The following CTNND2 variants were observed in gnomAD, a reference collection of about 807,000 sequenced individuals.
CTNND2 encodes the protein catenin delta 2, also known as catenin delta-2.
Under a neutral mutation model 144.4 loss-of-function variants are expected in CTNND2, and 22 were observed. That is an observed-to-expected ratio of 0.15 (90% CI 0.11 to 0.22). The LOEUF (loss-of-function observed/expected upper bound fraction) is 0.22. Ranked by LOEUF, CTNND2 falls within the 10% of genes least tolerant of loss-of-function variation. The probability of loss-of-function intolerance (pLI) is 1.00; values close to 1 mark genes in which losing one functional copy is unlikely to be tolerated. For synonymous variants in CTNND2, 751 were observed against 695.6 expected (o/e 1.08, Z -1.25); for missense variants, 1,353 against 1,618.8 (o/e 0.84, Z 2.82).
intron 1 of CTNND2, among the ~76,000 whole-genome samples, chr5:11,755,748 T>A (rs752418792): frequency 4.6e-5 from 7 of 151,554 alleles, no homozygotes; most frequent in Non-Finnish European, 1.0e-4. Context: ...AATTATATTA[T>A]GAAATTCTTG....
At chr5:11,572,803 T>C (rs1187413091) in intron 2 of CTNND2, among the ~76,000 whole-genome samples, 1 of 152,174 alleles carries the variant, frequency 6.6e-6, no homozygotes, top group Non-Finnish European at 1.5e-5. Flanking sequence ...GTTAGCTGCA[T>C]GTAAAATAAG....
chr5:11,527,918 C>T (rs545733631), intron 3 of CTNND2, among the ~76,000 whole-genome samples: 9 of 152,134 alleles, frequency 5.9e-5, no homozygotes, highest in South Asian at 4.2e-4. Context: ...TTGGGTACGG[C>T]GCTGCATTAA....
At chr5:11,482,876 G>C (rs1346199346) in intron 3 of CTNND2, among the ~76,000 whole-genome samples, 1 of 152,070 alleles carries the variant, frequency 6.6e-6, no homozygotes, top group Non-Finnish European at 1.5e-5. Context: ...TGAGGGGAGA[G>C]AGCAGGGGGC....
chr5:11,778,910 T>C (rs1392083033), intron 1 of CTNND2, among the ~76,000 whole-genome samples: 1 of 152,228 alleles, frequency 6.6e-6, no homozygotes, highest in Admixed American at 6.5e-5. Flanking sequence ...TTCTGAAAAC[T>C]TAAAACTTTT....
chr5:11,057,151 T>C (rs1376768748), intron 16 of CTNND2, among the ~76,000 whole-genome samples: 5 of 152,172 alleles, frequency 3.3e-5, no homozygotes, highest in Admixed American at 1.3e-4. Context: ...ACCAACATTC[T>C]GGATTGTCAA....
intron 2 of CTNND2, among the ~76,000 whole-genome samples, chr5:11,652,020 G>A (rs185804132): frequency 6.6e-6 from 1 of 152,222 alleles, no homozygotes. Context: ...ATTGTATTTT[G>A]CAATGTGAGA....
intron 9 of CTNND2, among the ~76,000 whole-genome samples, chr5:11,271,293 A>G (rs1181191167): frequency 6.6e-6 from 1 of 152,186 alleles, no homozygotes; most frequent in Non-Finnish European, 1.5e-5. Flanking sequence ...TATCAAACAT[A>G]TGTGCATTTA....
chr5:11,863,693 T>C (rs1249013243), intron 1 of CTNND2, among the ~76,000 whole-genome samples: 1 of 152,176 alleles, frequency 6.6e-6, no homozygotes, highest in Non-Finnish European at 1.5e-5. Context: ...CCATCCACAC[T>C]TTGCCTCTTC....
chr5:11,653,478 G>T (rs1453355529), intron 2 of CTNND2, among the ~76,000 whole-genome samples: 1 of 152,012 alleles, frequency 6.6e-6, no homozygotes, highest in East Asian at 1.9e-4. Flanking sequence ...GCAGTTCCCT[G>T]ATGATTAGTG....
At chr5:11,039,004 C>T (rs1020934577) in intron 16 of CTNND2, among the ~76,000 whole-genome samples, 115 of 152,222 alleles carry the variant, frequency 7.6e-4, no homozygotes, top group African/African-American at 2.1e-3. Context: ...GCAGCGTGCA[C>T]ATCATGTGCT....
chr5:10,997,549 A>G (rs1308457214), intron 18 of CTNND2, among the ~76,000 whole-genome samples: 2 of 151,654 alleles, frequency 1.3e-5, no homozygotes, highest in African/African-American at 4.9e-5. Context: ...CTGAGATCAC[A>G]CCACTGCACT....
intron 2 of CTNND2, among the ~76,000 whole-genome samples, chr5:11,683,499 T>C (rs1416810683): frequency 1.3e-5 from 2 of 152,202 alleles, no homozygotes; most frequent in Non-Finnish European, 2.9e-5. Context: ...GAAATACAAA[T>C]TAATCATTTT....
chr5:11,314,978 A>T (rs1751346782), intron 9 of CTNND2, among the ~76,000 whole-genome samples: 1 of 152,228 alleles, frequency 6.6e-6, no homozygotes, highest in South Asian at 2.1e-4. Flanking sequence ...ACTATACTAA[A>T]AACTTTTAAT....
chr5:11,903,355 T>C lies in CTNND2; in HGVS notation c.37+462A>G, dbSNP rs1397173184. 5 of 990,698 alleles carry C rather than the reference T, an allele frequency of 5.0e-6. No homozygotes were observed. Among genetic ancestry groups the C allele is most frequent in the East Asian group, 1.1e-4 (1 of 9,018 alleles). 61.4% of individuals were successfully genotyped at this position (990,698 alleles called of 1,614,324 possible). On this transcript the variant is annotated intron_variant, in intron 1 of 21. Transcript: ENST00000304623. This position sits in a 1 kb window ranked among gnomAD's most constrained non-coding sequence, Gnocchi z 5.4. ...GGCCATGGACGCATATGACTAAGTC[T>C]TTCCATTTTGTTCTAGCCAAACATC...
At chr5:11,280,620 C>T (rs1362088628) in intron 9 of CTNND2, among the ~76,000 whole-genome samples, 2 of 152,184 alleles carry the variant, frequency 1.3e-5, no homozygotes, top group African/African-American at 4.8e-5. Context: ...ACCTCCAATA[C>T]ACTCATAGAG....
chr5:11,757,375 T>A (rs781564832), intron 1 of CTNND2, among the ~76,000 whole-genome samples: 1 of 151,894 alleles, frequency 6.6e-6, no homozygotes, highest in Non-Finnish European at 1.5e-5. Flanking sequence ...AAATACTTTT[T>A]TCATTTCTTT....
At chr5:11,409,759 G>A (rs1190753315) in intron 5 of CTNND2, among the ~76,000 whole-genome samples, 1 of 151,922 alleles carries the variant, frequency 6.6e-6, no homozygotes, top group African/African-American at 2.4e-5. Context: ...GCACTACTTT[G>A]ACCATTCCTT....
chr5:11,840,038 A>G (rs1794377260), intron 1 of CTNND2, among the ~76,000 whole-genome samples: 2 of 152,210 alleles, frequency 1.3e-5, no homozygotes, highest in Non-Finnish European at 2.9e-5. Context: ...AAAGTTAATC[A>G]ACACAAAATC....
At chr5:11,222,840 A>G (rs1739936077) in intron 10 of CTNND2, among the ~76,000 whole-genome samples, 1 of 152,058 alleles carries the variant, frequency 6.6e-6, no homozygotes, top group Non-Finnish European at 1.5e-5. Flanking sequence ...CCATTTTACC[A>G]CTTCCATCCT....
Sources: allele counts gnomAD v4.1 joint callset (sites outside exome capture counted in the v4.1 genomes callset), GRCh38; gene constraint gnomAD v4.1.1; non-coding constraint Gnocchi (gnomAD v3.1); transcripts MANE v1.5; gene names NCBI Gene and HGNC (gene_info 2026-07-23, HGNC 2026-07-21).